USP30: variants seen among roughly 807,000 people sequenced by gnomAD.
The protein encoded by USP30 is ubiquitin specific peptidase 30, also known as ubiquitin carboxyl-terminal hydrolase 30.
In USP30, 41 loss-of-function variants were observed where a neutral mutation model predicts 68.2. The ratio of observed to expected loss-of-function variants is 0.60; its 90% CI spans 0.47 to 0.78. USP30 has a LOEUF of 0.78. Among genes scored for constraint, USP30 ranks in the 30% least tolerant of loss-of-function variants. USP30 has a pLI of 0.00. For missense variants in USP30, 522 were observed against 649.4 expected, an observed-to-expected ratio of 0.80 and a Z score of 2.13; for synonymous variants, 229 against 253.7, an observed-to-expected ratio of 0.90 and a Z score of 0.93.
At chr12:109,062,357 C>T (rs545642826) in intron 3 of USP30, among the ~76,000 whole-genome samples, 1,457 of 112,928 alleles carry the variant, frequency 0.013, 17 homozygotes, top group Non-Finnish European at 0.017. Context: ...TTTTTTGAGA[C>T]GGAGTCTCGC....
upstream of USP30, among the ~76,000 whole-genome samples, chr12:109,051,656 A>C (rs2040676505): frequency 7.1e-6 from 1 of 139,968 alleles, no homozygotes; most frequent in African/African-American, 2.7e-5. Flanking sequence ...TGCAACCTCC[A>C]CCACCACGGT....
At chr12:109,068,491 T>TCTG (rs2041330481) in intron 4 of USP30, among the ~76,000 whole-genome samples, 2 of 150,278 alleles carry the variant, frequency 1.3e-5, no homozygotes, top group Admixed American at 6.6e-5. Context: ...GGTCACTTTT[T>TCTG]AGACATGGTG....
At chr12:109,043,250 T>C (rs920845658) in intron 3 of USP30, among the ~76,000 whole-genome samples, 1 of 152,174 alleles carries the variant, frequency 6.6e-6, no homozygotes, top group Non-Finnish European at 1.5e-5. Flanking sequence ...CCATTCTAAA[T>C]TCGTGTGGAC....
At chr12:109,079,644 G>A (rs537596629) in intron 7 of USP30, among the ~76,000 whole-genome samples, 4 of 152,088 alleles carry the variant, frequency 2.6e-5, no homozygotes, top group East Asian at 3.9e-4. Flanking sequence ...GGGATTACAG[G>A]TGTGAGCCAC....
chr12:109,061,944 TTTTTG>T lies in USP30; in HGVS notation c.376+3846_376+3850del, dbSNP rs1490731522. On this transcript the variant is annotated intron_variant, in intron 3 of 12. Transcript: ENST00000257548. ...GTAGGTTTTTTTGTTTTCTGTTTTGTTTTTGTTTTGTTTTTTGGAGACAGGGTCTC... is the reference window on the plus strand; with the variant it reads ...GTAGGTTTTTTTGTTTTCTGTTTTGTTTTTGTTTTTTGGAGACAGGGTCTC... 2.0e-5 allele frequency among the ~76,000 whole-genome samples: 3 copies of T among 152,186 alleles called. No individual in the cohort carries two copies. The South Asian group carries it at 6.2e-4, about 32-fold the overall frequency.
chr12:109,025,515 G>GT (rs1158069218), intron 2 of USP30, among the ~76,000 whole-genome samples: 1 of 152,030 alleles, frequency 6.6e-6, no homozygotes, highest in African/African-American at 2.4e-5. Flanking sequence ...AAAATAGATG[G>GT]TATTGGGAAA....
At chr12:109,071,526 C>A (rs928525079) in intron 4 of USP30, 86 bp from the exon 5 acceptor site, 64 of 1,090,378 alleles carry the variant, frequency 5.9e-5, no homozygotes, top group Non-Finnish European at 8.4e-5. Context: ...CCCACATTCA[C>A]TGTAGGGTGT....
At chr12:109,081,623 G>GCACACACACA (rs61164773) in intron 8 of USP30, 2 of 500,532 alleles carry the variant, frequency 4.0e-6, no homozygotes, top group East Asian at 6.9e-5. Flanking sequence ...ACGCATGCGC[G>GCACACACACA]CACACACACA....
At chr12:109,050,864 G>A (rs1300810641), upstream of USP30, among the ~76,000 whole-genome samples, 2 of 152,032 alleles carry the variant, frequency 1.3e-5, no homozygotes, top group Non-Finnish European at 2.9e-5. Flanking sequence ...AAAATTAGCC[G>A]GGCGTGGTGG....
At chr12:109,066,935 A>G (rs539524275) in intron 3 of USP30, among the ~76,000 whole-genome samples, 264 of 152,276 alleles carry the variant, frequency 1.7e-3, no homozygotes, top group Non-Finnish European at 3.4e-3. Context: ...ATTTATATTG[A>G]TGATGATAGT....
At chr12:109,037,765 G>A (rs144619219) in intron 3 of USP30, among the ~76,000 whole-genome samples, 67 of 152,212 alleles carry the variant, frequency 4.4e-4, no homozygotes, top group African/African-American at 1.3e-3. Flanking sequence ...CTTTGCCAAG[G>A]AGTGCCGTGT....
rs144634695 is a variant in USP30, at chr12:109,041,626, C to T, written c.-135-5964C>T. On this transcript the variant is annotated intron_variant, in intron 3 of 15. Coordinates refer to the USP30 transcript ENST00000392784. ...CTCCAGCCTGGGTGACAGAGCGAAACTCCATTTCAAAAAAAAAAAGAAAAA... is the reference window on the plus strand; with the variant it reads ...CTCCAGCCTGGGTGACAGAGCGAAATTCCATTTCAAAAAAAAAAAGAAAAA... 4.4e-3 allele frequency among the ~76,000 whole-genome samples: 665 copies of T among 150,566 alleles called. 6 individuals are homozygous for T. The highest frequency in any genetic ancestry group is 0.015 in the African/African-American group (630 of 40,968).
rs79237141 is a variant in USP30, at chr12:109,054,384, T to C, written c.83+1623T>C. ...AAAAAATTTAAAAATTACCTGGGCA[T>C]GTGGTGTGCAGCTGTGGTCCCAGCT... On this transcript the variant is annotated intron_variant, in intron 1 of 12. Coordinates refer to ENST00000257548, the MANE Select transcript of USP30 (RefSeq NM_032663.5). Among the ~76,000 whole-genome samples, 521 of 151,882 alleles carry C rather than the reference T, an allele frequency of 3.4e-3. 3 individuals are homozygous for C. Among genetic ancestry groups the C allele is most frequent in the African/African-American group, 0.012 (493 of 41,438 alleles).
intron 8 of USP30, 174 bp downstream of exon 8, chr12:109,081,567 C>T (rs1221687551): frequency 4.3e-6 from 3 of 693,980 alleles, no homozygotes; most frequent in African/African-American, 1.8e-5. Flanking sequence ...GAAAATGAAT[C>T]GTTTTTCTTT....
intron 3 of USP30, among the ~76,000 whole-genome samples, chr12:109,043,175 G>C (rs908094152): frequency 2.0e-5 from 3 of 152,180 alleles, no homozygotes; most frequent in Non-Finnish European, 2.9e-5. Context: ...ACTACCCAAA[G>C]TGATCTGTAG....
chr12:109,026,281 G>T (rs1429772538), intron 2 of USP30, among the ~76,000 whole-genome samples: 2 of 151,902 alleles, frequency 1.3e-5, no homozygotes, highest in Non-Finnish European at 1.5e-5. Flanking sequence ...TCACTGTGTT[G>T]CCCAGGCTGG....
At chr12:109,034,615 G>A (rs905812614) in intron 3 of USP30, among the ~76,000 whole-genome samples, 1 of 152,164 alleles carries the variant, frequency 6.6e-6, no homozygotes, top group African/African-American at 2.4e-5. Context: ...TGGGTGATGT[G>A]CTCCATAGAT....
chr12:109,061,181 C>T (rs998713291), intron 3 of USP30, among the ~76,000 whole-genome samples: 1 of 152,004 alleles, frequency 6.6e-6, no homozygotes, highest in African/African-American at 2.4e-5. Flanking sequence ...CAGGAGTATT[C>T]TTGGGGCAAA....
chr12:109,024,745 G>T (rs1054446245), intron 1 of USP30: 2 of 152,034 alleles, frequency 1.3e-5, no homozygotes, highest in African/African-American at 4.8e-5. Context: ...TCAGCCTCCT[G>T]AGTAGCTGGG....
Sources: allele counts gnomAD v4.1 joint callset (sites outside exome capture counted in the v4.1 genomes callset), GRCh38; gene constraint gnomAD v4.1.1; transcripts MANE v1.5; gene names NCBI Gene and HGNC (gene_info 2026-07-23, HGNC 2026-07-21).